The following GYS1 variants were observed in gnomAD, a reference collection of about 807,000 sequenced individuals.
GYS1 encodes the protein glycogen [starch] synthase, muscle.
In GYS1, 60 loss-of-function variants were observed where a neutral mutation model predicts 89.1. The observed-to-expected ratio is 0.67, with a 90% CI of 0.55 to 0.84. The LOEUF is 0.84. GYS1 is among the 40% of genes least tolerant of loss of function. The probability of loss-of-function intolerance (pLI) is 0.00; values close to 1 mark genes in which losing one functional copy is unlikely to be tolerated. For synonymous variants in GYS1, 366 were observed against 401.7 expected (o/e 0.91, Z 1.06); for missense variants, 888 against 1,003.1 (o/e 0.89, Z 1.55).
chr19:48,989,052 C>T (rs1172128695), intron 2 of GYS1, among the ~76,000 whole-genome samples: 1 of 151,556 alleles, frequency 6.6e-6, no homozygotes, highest in South Asian at 2.1e-4. Flanking sequence ...TCCTTGCTTC[C>T]TTCCTTCCTT....
At position 48,982,310 on chromosome 19, in the gene GYS1, T is replaced by A; in HGVS notation, c.1007A>T (p.Asn336Ile). The A allele has an allele frequency of 6.2e-7, 1 of 1,613,816 alleles. No individual in the cohort carries two copies. Among genetic ancestry groups the A allele is most frequent in the Non-Finnish European group, 8.5e-7 (1 of 1,179,828 alleles). Residue 336 changes from asparagine to isoleucine, a missense_variant, in exon 7 of 16, where the codon AAC (asparagine) becomes ATC (isoleucine). Asn to Ile is a moderately radical substitution (Grantham distance 149). Transcript: ENST00000323798. The stretch of plus-strand genomic sequence containing the variant: ...CTCCAGGAAGACGTCAGCACCCTTG[T>A]TGGAGAACTCATAGCGGCCGGCGAT... ...FFIAGRYEFS[N>I]KGADVFLEAL...
Position 48,969,075 on chromosome 19 carries a change from C to A in GYS1, c.*213G>T. On this transcript the variant is annotated 3_prime_UTR_variant, in exon 16 of 16. Transcript: ENST00000323798. The stretch of plus-strand genomic sequence containing the variant: ...CTCCAGGGCGCTGATTATGCATATT[C>A]TGGAGCCAGAGAAAGGCACGGCTTT... The A allele has an allele frequency of 1.6e-6, 1 of 639,978 alleles. No homozygotes were observed. The allele number at this position is 639,978 out of a possible 1,614,324, so 39.6% of individuals were successfully genotyped here.
At chr19:48,986,114 T>C in intron 3 of GYS1, 79 bp from the exon 4 acceptor site, 1 of 1,319,004 alleles carries the variant, frequency 7.6e-7, no homozygotes, top group Non-Finnish European at 1.1e-6. Context: ...GGACAAGGAC[T>C]CGGGGAGAGG....
intron 8 of GYS1, among the ~76,000 whole-genome samples, chr19:48,979,331 CTTTTCTTTTTTTTTTTTTTTTTTTT>C (rs2038711706): frequency 2.2e-5 from 1 of 46,354 alleles, no homozygotes; most frequent in Non-Finnish European, 4.6e-5. Context: ...TTTCTTTTTT[CTTTTCTTTTTTTTTTTTTTTTTTTT>C]TTTTTTTTTT....
At chr19:48,989,157 G>A (rs1036283881) in intron 2 of GYS1, among the ~76,000 whole-genome samples, 10 of 149,454 alleles carry the variant, frequency 6.7e-5, no homozygotes, top group East Asian at 2.0e-4. Context: ...GTCTCACTCC[G>A]GTCACCCAGG....
At position 48,981,526 on chromosome 19, in the gene GYS1, TA is replaced by T; in HGVS notation, c.1169+3del. ...CGCCAGGGGCCGGAGCGAGGGCTGC[TA>T]ACCAAAGCTGTTTGCGCACAGCTTG... On this transcript the variant is annotated splice_donor_region_variant and intron_variant, in intron 8 of 15. Transcript: ENST00000323798. The T allele has an allele frequency of 6.4e-7, 1 of 1,571,080 alleles. No individual in the cohort carries two copies. Among genetic ancestry groups the T allele is most frequent in the Non-Finnish European group, 8.8e-7 (1 of 1,140,826 alleles).
chr19:48,974,465 G>T, intron 11 of GYS1, 126 bp from the exon 12 acceptor site: 1 of 1,204,054 alleles, frequency 8.3e-7, no homozygotes, highest in Non-Finnish European at 1.2e-6. Flanking sequence ...CAGGACCAAT[G>T]TTCAAACCCA....
At chr19:48,975,858 G>C (rs1233995142) in intron 10 of GYS1, among the ~76,000 whole-genome samples, 1 of 137,270 alleles carries the variant, frequency 7.3e-6, no homozygotes, top group Non-Finnish European at 1.5e-5. Context: ...GTTGAAGTGA[G>C]CCAAGATCGC....
intron 2 of GYS1, among the ~76,000 whole-genome samples, chr19:48,989,971 C>T (rs190611392): frequency 1.3e-5 from 2 of 150,720 alleles, no homozygotes; most frequent in Non-Finnish European, 1.5e-5. Context: ...GGTCCCTCCC[C>T]CTCCCAGCTG....
At position 48,968,700 on chromosome 19, in the gene GYS1, A is replaced by G; in HGVS notation, c.*588T>C. 2.2e-6 allele frequency: 1 copy of G among 454,146 alleles called. No homozygotes were observed. Among genetic ancestry groups the G allele is most frequent in the Non-Finnish European group, 4.4e-6 (1 of 226,794 alleles). 28.1% of individuals were successfully genotyped at this position (454,146 alleles called of 1,614,324 possible). On this transcript the variant is annotated 3_prime_UTR_variant, in exon 16 of 16. Coordinates refer to ENST00000323798, the MANE Select transcript of GYS1 (RefSeq NM_002103.5). ...CCGGATGGAGGGATCCTCCAGGCAGAGCCTGGCTCTGACATGCCAGGGAGG... is the reference window on the plus strand; with the variant it reads ...CCGGATGGAGGGATCCTCCAGGCAGGGCCTGGCTCTGACATGCCAGGGAGG...
At chr19:48,987,977 T>C (rs1296774959) in intron 2 of GYS1, among the ~76,000 whole-genome samples, 2 of 152,168 alleles carry the variant, frequency 1.3e-5, no homozygotes, top group South Asian at 2.1e-4. Flanking sequence ...CTTTTTTTTG[T>C]ATTTTCAGTA....
chr19:48,993,191 G>A lies in GYS1; in HGVS notation c.-79C>T, dbSNP rs776457926. On this transcript the variant is annotated 5_prime_UTR_variant, in exon 1 of 16. Transcript: ENST00000323798. Reference sequence around the variant, plus strand: ...GTCTAGGGAATGCACCAGGTAGGGTGCGGGGCCGAGTAGCTGGTGCCCGAC... The same window carrying A: ...GTCTAGGGAATGCACCAGGTAGGGTACGGGGCCGAGTAGCTGGTGCCCGAC... 8 of 835,642 alleles carry A rather than the reference G, an allele frequency of 9.6e-6. No individual in the cohort carries two copies. Among genetic ancestry groups the A allele is most frequent in the South Asian group, 9.3e-5 (7 of 75,412 alleles). 51.8% of individuals were successfully genotyped at this position (835,642 alleles called of 1,614,324 possible).
intron 6 of GYS1, 109 bp downstream of exon 6, chr19:48,982,611 C>A: frequency 1.1e-6 from 1 of 923,130 alleles, no homozygotes; most frequent in East Asian, 2.4e-5. Context: ...CAGGTGCCCC[C>A]TCCCTCAGAC....
intron 10 of GYS1, 126 bp from the exon 11 acceptor site, chr19:48,974,859 C>T (rs2038621205): frequency 1.5e-6 from 1 of 654,736 alleles, no homozygotes; most frequent in Non-Finnish European, 2.8e-6. Flanking sequence ...GGGCAACAAA[C>T]CCAAGTGATC....
chr19:48,984,898 T>A (rs1288426079), intron 5 of GYS1, among the ~76,000 whole-genome samples: 2 of 144,002 alleles, frequency 1.4e-5, no homozygotes, highest in South Asian at 2.1e-4. Context: ...AATAAATAAA[T>A]AAAAATAAAA....
At chr19:48,984,074 C>A (rs148755277) in intron 5 of GYS1, among the ~76,000 whole-genome samples, 4 of 152,154 alleles carry the variant, frequency 2.6e-5, no homozygotes, top group Admixed American at 2.0e-4. Flanking sequence ...TCTTGGCTCA[C>A]GACAACCTCT....
chr19:48,977,444 T>G (rs2038673594), intron 10 of GYS1, among the ~76,000 whole-genome samples: 1 of 151,720 alleles, frequency 6.6e-6, no homozygotes, highest in South Asian at 2.1e-4. Context: ...AATATATAAA[T>G]TAGCTGGGTG....
intron 9 of GYS1, 43 bp downstream of exon 9, chr19:48,978,055 G>C (rs1371520843): frequency 1.2e-6 from 2 of 1,608,428 alleles, no homozygotes; most frequent in Non-Finnish European, 1.7e-6. Flanking sequence ...AGAGGGGTTA[G>C]TCAGGGCCTA....
In GYS1 at chr19:48,985,890, A is replaced by G. The variant is rs1167849153; in HGVS notation, c.638T>C (p.Leu213Pro). 1 of 1,614,000 alleles carries G rather than the reference A, an allele frequency of 6.2e-7. No individual in the cohort carries two copies. The highest frequency in any genetic ancestry group is 1.1e-5 in the South Asian group (1 of 91,072). ...GTAGAAGTCCACGGCACCGGCACAC[A>G]GGTAGCGCCCCAGCAGCGTGGCATG... ...TTHATLLGRY[L>P]CAGAVDFYNN... The change falls in exon 4 of 16, where the codon CTG becomes CCG. Residue 213 changes from leucine (L) to proline (P), a missense_variant. Transcript: ENST00000323798.
Sources: allele counts gnomAD v4.1 joint callset (sites outside exome capture counted in the v4.1 genomes callset), GRCh38; gene constraint gnomAD v4.1.1; transcripts MANE v1.5; gene names NCBI Gene and HGNC (gene_info 2026-07-23, HGNC 2026-07-21).